Variants in MYO3B observed in about 807,000 individuals in gnomAD.
MYO3B encodes myosin IIIB.
In MYO3B, 156 loss-of-function variants were observed where a neutral mutation model predicts 174.6. The observed-to-expected ratio is 0.89, with a 90% confidence interval of 0.78 to 1.02. The LOEUF (loss-of-function observed/expected upper bound fraction) is 1.02, where lower values mean the gene tolerates loss of function less well. Ranked by LOEUF, MYO3B falls within the 50% of genes least tolerant of loss-of-function variation. The pLI is 0.00. For missense variants in MYO3B, 1,632 were observed against 1,639.4 expected (o/e 1.00, Z 0.08); for synonymous variants, 563 against 569.1 (o/e 0.99, Z 0.15).
At chr2:170,579,522 T>C (rs1254117360) in intron 32 of MYO3B, among the ~76,000 whole-genome samples, 1 of 152,224 alleles carries the variant, frequency 6.6e-6, no homozygotes, top group African/African-American at 2.4e-5. Flanking sequence ...GAATTTTCAT[T>C]TTATTCCCTA....
intron 32 of MYO3B, among the ~76,000 whole-genome samples, chr2:170,648,356 A>G (rs1341633831): frequency 2.0e-5 from 3 of 152,044 alleles, no homozygotes; most frequent in Non-Finnish European, 4.4e-5. Flanking sequence ...GAGGCCAGAC[A>G]TGGTGGCTCA....
At chr2:170,372,724 C>T (rs1365367498) in intron 9 of MYO3B, among the ~76,000 whole-genome samples, 7 of 152,118 alleles carry the variant, frequency 4.6e-5, no homozygotes, top group Admixed American at 4.6e-4. Context: ...GGTAAAGACA[C>T]CTAAGTCAGT....
intron 32 of MYO3B, among the ~76,000 whole-genome samples, chr2:170,626,290 T>A (rs973002470): frequency 1.3e-5 from 2 of 152,208 alleles, no homozygotes; most frequent in African/African-American, 4.8e-5. Flanking sequence ...GTTGAATTGA[T>A]CCCTTTACGA....
chr2:170,407,800 A>G lies in MYO3B; in HGVS notation c.2606A>G (p.Asn869Ser). 6.2e-7 allele frequency: 1 copy of G among 1,614,074 alleles called. No homozygotes were observed. Residue 869 changes from asparagine to serine, a missense_variant, in exon 22 of 35, where the codon AAC becomes AGC. Physicochemically the swap from Asn to Ser is conservative, Grantham distance 46. Transcript: ENST00000408978. The stretch of plus-strand genomic sequence containing the variant: ...GTTGTGGTCCTGAGAACGTCAGAAA[A>G]CAAGCTTCTTCAGCAGCTCTTCTCA... ...DVVVVLRTSENKLLQQLFSIP... is the reference protein window; with the variant it reads ...DVVVVLRTSESKLLQQLFSIP...
intron 21 of MYO3B, among the ~76,000 whole-genome samples, chr2:170,406,109 C>T (rs2094507780): frequency 1.3e-5 from 2 of 151,900 alleles, no homozygotes; most frequent in Non-Finnish European, 2.9e-5. Context: ...GCTTTTACAA[C>T]TTAACTGAAA....
chr2:170,321,444 C>CA (rs1223849161), intron 7 of MYO3B, among the ~76,000 whole-genome samples: 1 of 151,738 alleles, frequency 6.6e-6, no homozygotes, highest in Non-Finnish European at 1.5e-5. Context: ...TTTAAATATA[C>CA]AAAAAATAAA....
chr2:170,543,109 C>A, intron 31 of MYO3B, 143 bp downstream of exon 31: 4 of 665,336 alleles, frequency 6.0e-6, no homozygotes, highest in South Asian at 2.6e-5. Context: ...GTCTTTGAGA[C>A]AAAAGCCCAG....
chr2:170,461,669 G>C (rs543707904), intron 23 of MYO3B, among the ~76,000 whole-genome samples: 5 of 151,732 alleles, frequency 3.3e-5, no homozygotes, highest in South Asian at 2.1e-4. Flanking sequence ...CCAGCTACTC[G>C]GGAGGCCGAG....
chr2:170,466,585 G>T lies in MYO3B; in HGVS notation c.2888G>T (p.Arg963Leu), dbSNP rs201168773. Reference sequence around the variant, plus strand: ...CGCTGCATTAAACCCAATGATGACCGAGAGGCCCTGCAGTTCTCTCGAGAG... The same window carrying T: ...CGCTGCATTAAACCCAATGATGACCTAGAGGCCCTGCAGTTCTCTCGAGAG... ...FVRCIKPNDD[R>L]EALQFSRERV... is the part of the protein sequence containing the mutation. The change falls in exon 25 of 35, where the codon CGA (arginine) becomes CTA (leucine). Residue 963 changes from arginine (R) to leucine (L), a missense_variant. Arg to Leu is a moderately radical substitution (Grantham distance 102). Coordinates refer to ENST00000408978, the MANE Select transcript of MYO3B (RefSeq NM_138995.5). The T allele has an allele frequency of 1.2e-6, 2 of 1,614,172 alleles. No homozygotes were observed. The highest frequency in any genetic ancestry group is 2.2e-5 in the South Asian group (2 of 91,064).
At position 170,652,148 on chromosome 2, in the gene MYO3B, A is replaced by G; in HGVS notation, c.3881A>G (p.Lys1294Arg). ...CAAGGGAGCAAGAGGAAGCCAAGAA[A>G]ACTTGGGTAAATATCTGTCTTCTTA... ...EYQGSKRKPR[K>R]LGQIKVLDGE... Residue 1294 changes from lysine (K) to arginine (R), a missense_variant, in exon 34 of 35, where the codon AAA (lysine) becomes AGA (arginine). Physicochemically the swap from Lys to Arg is conservative, Grantham distance 26. Transcript: ENST00000408978. 5.6e-6 allele frequency: 9 copies of G among 1,614,062 alleles called. No individual in the cohort carries two copies. Among genetic ancestry groups the G allele is most frequent in the Non-Finnish European group, 7.6e-6 (9 of 1,179,942 alleles).
intron 7 of MYO3B, among the ~76,000 whole-genome samples, chr2:170,289,089 G>A (rs1297284594): frequency 6.6e-6 from 1 of 151,998 alleles, no homozygotes; most frequent in Non-Finnish European, 1.5e-5. Context: ...CCTTTTTAAT[G>A]TGTTGTTGAG....
chr2:170,200,094 G>T lies in MYO3B; in HGVS notation c.187-56G>T, dbSNP rs2105337133. The stretch of plus-strand genomic sequence containing the variant: ...AGTACTTGAGCATGATGTCATATCT[G>T]TACCCTTCCTTACACATTAGATTTA... On this transcript the variant is annotated intron_variant, in intron 2 of 34. Transcript: ENST00000408978. 8 of 1,557,684 alleles carry T rather than the reference G, an allele frequency of 5.1e-6. No homozygotes were observed. The South Asian group carries it at 8.5e-5, about 16-fold the overall frequency.
intron 8 of MYO3B, among the ~76,000 whole-genome samples, chr2:170,365,099 C>T (rs1175272090): frequency 6.6e-6 from 1 of 152,182 alleles, no homozygotes; most frequent in Non-Finnish European, 1.5e-5. Flanking sequence ...AGGAAGTCTT[C>T]CCTGACTACA....
chr2:170,598,531 G>A (rs1694290509), intron 32 of MYO3B, among the ~76,000 whole-genome samples: 1 of 152,168 alleles, frequency 6.6e-6, no homozygotes, highest in Non-Finnish European at 1.5e-5. Context: ...TGGCCCTTGG[G>A]GAATCCAGCT....
At chr2:170,476,183 G>T (rs976802546) in intron 25 of MYO3B, among the ~76,000 whole-genome samples, 1 of 152,188 alleles carries the variant, frequency 6.6e-6, no homozygotes, top group Non-Finnish European at 1.5e-5. Flanking sequence ...GCAGGAGCTG[G>T]GACAAGCGCT....
chr2:170,209,575 C>G (rs1217356157), intron 3 of MYO3B, among the ~76,000 whole-genome samples: 3 of 152,152 alleles, frequency 2.0e-5, no homozygotes, highest in African/African-American at 7.2e-5. Flanking sequence ...CTGTCAGAGT[C>G]CTGTGGCACC....
chr2:170,455,066 C>A (rs1471216372), intron 23 of MYO3B, among the ~76,000 whole-genome samples: 1 of 152,164 alleles, frequency 6.6e-6, no homozygotes, highest in Non-Finnish European at 1.5e-5. Flanking sequence ...TTAGGTCTTA[C>A]AATACTGATG....
chr2:170,330,302 A>AT (rs890765916), intron 7 of MYO3B, among the ~76,000 whole-genome samples: 19 of 151,696 alleles, frequency 1.3e-4, no homozygotes, highest in Non-Finnish European at 2.1e-4. Context: ...GTTTTCTGTC[A>AT]TTTTTTTTGC....
At chr2:170,556,806 G>A (rs1451883721) in intron 32 of MYO3B, among the ~76,000 whole-genome samples, 2 of 152,188 alleles carry the variant, frequency 1.3e-5, no homozygotes, top group African/African-American at 2.4e-5. Flanking sequence ...ACAGGCGTGA[G>A]CCACTGCACC....
Sources: gnomAD v4.1 joint callset for allele counts (sites outside exome capture counted in the v4.1 genomes callset) on GRCh38, gnomAD v4.1.1 for gene constraint, MANE v1.5 for transcripts, NCBI Gene and HGNC (gene_info 2026-07-23, HGNC 2026-07-21) for gene names.